Variants in PPP2R2B observed in about 807,000 individuals in gnomAD.
PPP2R2B encodes the protein serine/threonine-protein phosphatase 2A 55 kDa regulatory subunit B beta isoform.
In PPP2R2B, 5 loss-of-function variants were observed where a neutral mutation model predicts 46.0. That is an observed-to-expected ratio of 0.11 (90% CI 0.06 to 0.23). The LOEUF is 0.23. PPP2R2B is among the 10% of genes least tolerant of loss of function. The pLI is 1.00. For synonymous variants in PPP2R2B, 215 were observed against 206.7 expected (o/e 1.04, Z -0.34); for missense variants, 367 against 575.0 (o/e 0.64, Z 3.70).
chr5:146,683,809 A>T (rs1002590516), intron 5 of PPP2R2B, among the ~76,000 whole-genome samples: 3 of 152,216 alleles, frequency 2.0e-5, no homozygotes, highest in Admixed American at 2.0e-4. Context: ...ACACTGACAG[A>T]TACAATCAGA....
intron 1 of PPP2R2B, among the ~76,000 whole-genome samples, chr5:146,967,423 A>T (rs889360076): frequency 1.3e-5 from 2 of 152,226 alleles, no homozygotes; most frequent in Non-Finnish European, 2.9e-5. Flanking sequence ...GCCCTGTAAA[A>T]TAGGTTCCAT....
chr5:146,873,400 A>C (rs969322165), intron 2 of PPP2R2B, among the ~76,000 whole-genome samples: 3 of 152,204 alleles, frequency 2.0e-5, no homozygotes, highest in African/African-American at 7.2e-5. Context: ...CTAGAAAAAC[A>C]AATCTGATCA....
In PPP2R2B at chr5:147,075,511, C is replaced by CAT. The variant is rs771019433; in HGVS notation, c.50+5546_50+5547dup. ...TATCTCTGAGATTGTCTCTCTAAGA[C>CAT]ATATATATGACTCATATATATACAT... On this transcript the variant is annotated intron_variant, in intron 2 of 10. Coordinates refer to the PPP2R2B transcript ENST00000394413. Among the ~76,000 whole-genome samples the CAT allele has an allele frequency of 7.9e-5, 12 of 152,246 alleles. No homozygotes were observed. In the South Asian group the frequency reaches 8.3e-4, roughly 11 times the overall value.
At chr5:146,980,346 A>T (rs561486808) in intron 1 of PPP2R2B, among the ~76,000 whole-genome samples, 31 of 152,332 alleles carry the variant, frequency 2.0e-4, no homozygotes, top group Admixed American at 3.3e-4. Context: ...TTCAAAGAGA[A>T]AACCAATTAG....
chr5:146,650,594 T>C lies in PPP2R2B; in HGVS notation c.578A>G (p.Asp193Gly). The change falls in exon 6 of 10, where the codon GAC becomes GGC. Residue 193 changes from aspartate (D) to glycine (G), a missense_variant. Asp to Gly is a moderately conservative substitution (Grantham distance 94, BLOSUM62 -1). Coordinates refer to ENST00000394411, the MANE Select transcript of PPP2R2B (RefSeq NM_181675.4). ...SDYETYMSAD[D>G]LRINLWNFEI... ...AAAGTTCCATAGGTTAATCCTCAGG[T>C]CATCAGCGGACATGTAGGTTTCATA... The C allele has an allele frequency of 6.2e-7, 1 of 1,613,962 alleles. No homozygotes were observed. Among genetic ancestry groups the C allele is most frequent in the Non-Finnish European group, 8.5e-7 (1 of 1,179,962 alleles).
intron 1 of PPP2R2B, among the ~76,000 whole-genome samples, chr5:146,911,710 C>T (rs1195365119): frequency 6.6e-6 from 1 of 152,164 alleles, no homozygotes; most frequent in East Asian, 1.9e-4. Flanking sequence ...AATACCTCTT[C>T]CCTCTATATG....
chr5:146,908,276 G>C (rs574123477), intron 1 of PPP2R2B, among the ~76,000 whole-genome samples: 1 of 152,168 alleles, frequency 6.6e-6, no homozygotes, highest in African/African-American at 2.4e-5. Flanking sequence ...CTTTGTAAAG[G>C]TTGGTTGTGA....
rs1313109703 is a variant in PPP2R2B, at chr5:146,844,215, AG to A, written c.70+33786del. ...CTGGGGACTGTGGTGGGGTCGGGGG[AG>A]GGGGGCGGGATAGCATTGGGAGATA... On this transcript the variant is annotated intron_variant, in intron 2 of 9. Transcript: ENST00000394411. 1.2e-4 allele frequency among the ~76,000 whole-genome samples: 3 copies of A among 24,930 alleles called. No homozygotes were observed. The East Asian group carries it at 3.7e-3, about 31-fold the overall frequency. The allele number at this position is 24,930 out of a possible 152,430, so 16.4% of individuals were successfully genotyped here. A position where few individuals can be genotyped will look rare whatever the true frequency, so the allele number is the denominator to read the frequency against.
chr5:146,788,073 A>G (rs1345306597), intron 2 of PPP2R2B, among the ~76,000 whole-genome samples: 1 of 152,150 alleles, frequency 6.6e-6, no homozygotes, highest in East Asian at 1.9e-4. Context: ...TCCAGCTGGA[A>G]ATGAGAATCC....
At chr5:146,849,490 A>G (rs535631266) in intron 2 of PPP2R2B, among the ~76,000 whole-genome samples, 36 of 152,328 alleles carry the variant, frequency 2.4e-4, no homozygotes, top group Admixed American at 7.8e-4. Context: ...AGTGCTTGGC[A>G]CATATAATGT....
intron 6 of PPP2R2B, among the ~76,000 whole-genome samples, chr5:146,643,657 A>G (rs1232569743): frequency 6.6e-6 from 1 of 152,192 alleles, no homozygotes; most frequent in Non-Finnish European, 1.5e-5. Context: ...TGCTTAGGAG[A>G]TGGGTGCACC....
chr5:146,654,219 T>C (rs1776174676), intron 5 of PPP2R2B, among the ~76,000 whole-genome samples: 1 of 152,112 alleles, frequency 6.6e-6, no homozygotes, highest in African/African-American at 2.4e-5. Context: ...GCGCCCTCAG[T>C]AACCAACCTT....
At chr5:147,019,366 T>G (rs960981038) in intron 1 of PPP2R2B, among the ~76,000 whole-genome samples, 1 of 152,178 alleles carries the variant, frequency 6.6e-6, no homozygotes, top group African/African-American at 2.4e-5. Context: ...AACTGTTTTA[T>G]CAACCAAAAC....
intron 2 of PPP2R2B, among the ~76,000 whole-genome samples, chr5:146,729,201 GT>G (rs1654743258): frequency 6.6e-6 from 1 of 152,208 alleles, no homozygotes; most frequent in South Asian, 2.1e-4. Context: ...CTCTTGTTAT[GT>G]TTTAGCAAAG....
chr5:147,015,081 C>T (rs979354068), intron 1 of PPP2R2B, among the ~76,000 whole-genome samples: 5 of 152,034 alleles, frequency 3.3e-5, no homozygotes, highest in African/African-American at 9.7e-5. Context: ...TGTCTTCCAA[C>T]TAGAAGAACT....
chr5:146,944,219 T>C (rs1582472593), intron 1 of PPP2R2B, among the ~76,000 whole-genome samples: 1 of 152,276 alleles, frequency 6.6e-6, no homozygotes, highest in East Asian at 1.9e-4. Flanking sequence ...TGCCACTACA[T>C]ATATTCTTTG....
chr5:146,863,647 T>A lies in PPP2R2B; in HGVS notation c.70+14355A>T, dbSNP rs567179934. ...AACTGCCCATCCATCCATCTATCCA[T>A]CCATCCATCCATCCATCCATCCATC... On this transcript the variant is annotated intron_variant, in intron 2 of 9. Coordinates refer to ENST00000394411, the MANE Select transcript of PPP2R2B (RefSeq NM_181675.4). Among the ~76,000 whole-genome samples the A allele has an allele frequency of 6.1e-5, 9 of 147,946 alleles. No individual in the cohort carries two copies. The East Asian group carries it at 1.8e-3, about 29-fold the overall frequency.
chr5:146,962,455 G>A (rs1346212371), intron 1 of PPP2R2B, among the ~76,000 whole-genome samples: 2 of 151,632 alleles, frequency 1.3e-5, no homozygotes, highest in African/African-American at 2.4e-5. Context: ...TCAGGAGTTC[G>A]AGACTAGCCT....
chr5:146,730,855 C>G (rs1561863728), intron 2 of PPP2R2B, among the ~76,000 whole-genome samples: 1 of 152,086 alleles, frequency 6.6e-6, no homozygotes, highest in South Asian at 2.1e-4. Context: ...AAACTTATAT[C>G]ATTAAAAAGA....
Sources: allele counts gnomAD v4.1 joint callset (sites outside exome capture counted in the v4.1 genomes callset), GRCh38; gene constraint gnomAD v4.1.1; transcripts MANE v1.5; gene names NCBI Gene and HGNC (gene_info 2026-07-23, HGNC 2026-07-21).